The following MAN1C1 variants were observed in gnomAD, a reference collection of about 807,000 sequenced individuals.
MAN1C1 encodes the protein mannosyl-oligosaccharide 1,2-alpha-mannosidase IC.
In MAN1C1, 49 loss-of-function variants were observed where a neutral mutation model predicts 71.5. The observed-to-expected ratio is 0.69, with a 90% CI of 0.54 to 0.87. The LOEUF is 0.87. Ranked by LOEUF, MAN1C1 falls within the 40% of genes least tolerant of loss-of-function variation. MAN1C1 has a pLI of 0.00. For missense variants in MAN1C1, 743 were observed against 835.0 expected (o/e 0.89, Z 1.36); for synonymous variants, 352 against 343.7 (o/e 1.02, Z -0.27).
chr1:25,705,684 G>A (rs1348435028), intron 2 of MAN1C1, among the ~76,000 whole-genome samples: 1 of 152,202 alleles, frequency 6.6e-6, no homozygotes, highest in South Asian at 2.1e-4. Flanking sequence ...GGTGGCTCAC[G>A]CCTGTAATAC....
intron 1 of MAN1C1, among the ~76,000 whole-genome samples, chr1:25,621,317 C>T (rs1259830804): frequency 6.6e-6 from 1 of 152,194 alleles, no homozygotes; most frequent in Non-Finnish European, 1.5e-5. Context: ...AATAGATATT[C>T]AGGCAGTTGG....
At chr1:25,686,385 C>G (rs948213348) in intron 1 of MAN1C1, 55 bp from the exon 2 acceptor site, 2 of 1,470,198 alleles carry the variant, frequency 1.4e-6, no homozygotes, top group South Asian at 2.3e-5. Context: ...GCGGCCAGTG[C>G]GCACTGCCAG....
chr1:25,691,516 G>A (rs1460185169), intron 2 of MAN1C1, among the ~76,000 whole-genome samples: 1 of 152,226 alleles, frequency 6.6e-6, no homozygotes, highest in Non-Finnish European at 1.5e-5. Flanking sequence ...CACACATGAA[G>A]TGCTTATATT....
At chr1:25,736,350 A>T (rs1312617159) in intron 2 of MAN1C1, among the ~76,000 whole-genome samples, 1 of 151,894 alleles carries the variant, frequency 6.6e-6, no homozygotes, top group Non-Finnish European at 1.5e-5. Flanking sequence ...GCTGGAACTG[A>T]ACCTTGTGAT....
intron 7 of MAN1C1, among the ~76,000 whole-genome samples, chr1:25,768,158 T>C (rs1354708081): frequency 1.5e-5 from 1 of 67,684 alleles, no homozygotes; most frequent in African/African-American, 6.6e-5. Context: ...TCCCCCTACA[T>C]ACACTCCCCT....
At chr1:25,761,859 G>A (rs1356583735) in intron 6 of MAN1C1, among the ~76,000 whole-genome samples, 9 of 151,508 alleles carry the variant, frequency 5.9e-5, no homozygotes, top group African/African-American at 2.2e-4. Context: ...CTGACCTCAG[G>A]TGATCTGCCC....
At chr1:25,666,864 A>G (rs1386310452) in intron 1 of MAN1C1, among the ~76,000 whole-genome samples, 2 of 152,226 alleles carry the variant, frequency 1.3e-5, no homozygotes, top group Non-Finnish European at 2.9e-5. Context: ...AGTGCAGGGA[A>G]GAGGAATTCT....
At chr1:25,643,952 A>C (rs999470973) in intron 1 of MAN1C1, among the ~76,000 whole-genome samples, 2 of 152,202 alleles carry the variant, frequency 1.3e-5, no homozygotes, top group Non-Finnish European at 2.9e-5. Context: ...GAAATAATGT[A>C]GTTGAACTGA....
chr1:25,695,387 T>C (rs1475174746), intron 2 of MAN1C1, among the ~76,000 whole-genome samples: 1 of 152,128 alleles, frequency 6.6e-6, no homozygotes, highest in African/African-American at 2.4e-5. Context: ...TGGTCACTGA[T>C]AGCCAGGCCC....
intron 2 of MAN1C1, among the ~76,000 whole-genome samples, chr1:25,742,446 A>G (rs2047075143): frequency 6.6e-6 from 1 of 152,182 alleles, no homozygotes; most frequent in African/African-American, 2.4e-5. Flanking sequence ...AGTTGGGCCA[A>G]GGGTTTTTGC....
At chr1:25,667,861 A>C (rs1416196399) in intron 1 of MAN1C1, among the ~76,000 whole-genome samples, 2 of 152,212 alleles carry the variant, frequency 1.3e-5, no homozygotes, top group Admixed American at 1.3e-4. Flanking sequence ...AGACCTGGAA[A>C]AATGAAAAGA....
intron 1 of MAN1C1, among the ~76,000 whole-genome samples, chr1:25,666,268 C>T (rs146566846): frequency 5.3e-5 from 8 of 152,230 alleles, no homozygotes; most frequent in African/African-American, 1.2e-4. Flanking sequence ...TTTTGCATTT[C>T]GGTTCTCTGT....
intron 1 of MAN1C1, among the ~76,000 whole-genome samples, chr1:25,622,233 A>G (rs916912638): frequency 2.0e-5 from 3 of 152,164 alleles, no homozygotes; most frequent in Non-Finnish European, 4.4e-5. Context: ...TAAGAATCCA[A>G]GCTGGGTCAA....
chr1:25,668,578 C>T (rs1449556116), intron 1 of MAN1C1, among the ~76,000 whole-genome samples: 12 of 133,846 alleles, frequency 9.0e-5, no homozygotes, highest in Admixed American at 1.6e-4. Context: ...TTTTTTGAGA[C>T]GGAGTCTTGC....
In MAN1C1 at chr1:25,705,829, G is replaced by A. The variant is rs984193892; in HGVS notation, c.637+19293G>A. Among the ~76,000 whole-genome samples the A allele has an allele frequency of 3.3e-5, 5 of 152,316 alleles. No homozygotes were observed. In the South Asian group the frequency reaches 1.0e-3, roughly 32 times the overall value. On this transcript the variant is annotated intron_variant, in intron 2 of 11. Coordinates refer to ENST00000374332, the MANE Select transcript of MAN1C1 (RefSeq NM_020379.4). Reference sequence around the variant, plus strand: ...ATGGTGGCACATGCCAGTAGTCCTAGGTATTCAAGAGGCTAAGGTGGAAGG... The same window carrying A: ...ATGGTGGCACATGCCAGTAGTCCTAAGTATTCAAGAGGCTAAGGTGGAAGG...
chr1:25,669,964 A>G, intron 1 of MAN1C1, among the ~76,000 whole-genome samples: 1 of 152,248 alleles, frequency 6.6e-6, no homozygotes, highest in East Asian at 1.9e-4. Flanking sequence ...TTCGGTTCCA[A>G]GAACTACCAG....
intron 2 of MAN1C1, among the ~76,000 whole-genome samples, chr1:25,718,357 G>A (rs1250988866): frequency 6.6e-6 from 1 of 152,074 alleles, no homozygotes; most frequent in Non-Finnish European, 1.5e-5. Context: ...GTCTTGTTCT[G>A]GACAGTTGAC....
At chr1:25,622,119 T>G (rs1194304348) in intron 1 of MAN1C1, among the ~76,000 whole-genome samples, 1 of 152,172 alleles carries the variant, frequency 6.6e-6, no homozygotes, top group African/African-American at 2.4e-5. Context: ...CCAGCATCAC[T>G]CCAGAGTGCA....
At chr1:25,702,546 A>G (rs1247417348) in intron 2 of MAN1C1, among the ~76,000 whole-genome samples, 3 of 152,302 alleles carry the variant, frequency 2.0e-5, no homozygotes, top group Middle Eastern at 6.8e-3. Context: ...AAAACCCTGG[A>G]GGGAGGATCC....
Sources: allele counts gnomAD v4.1 joint callset (sites outside exome capture counted in the v4.1 genomes callset), GRCh38; gene constraint gnomAD v4.1.1; transcripts MANE v1.5; gene names NCBI Gene and HGNC (gene_info 2026-07-23, HGNC 2026-07-21).